The following NTN4 variants were observed in gnomAD, a reference collection of about 807,000 sequenced individuals.
NTN4 encodes netrin-4.
A neutral mutation model predicts 73.6 loss-of-function variants in NTN4; 32 were observed. That is an observed-to-expected ratio of 0.44 (90% confidence interval 0.33 to 0.58). The LOEUF (loss-of-function observed/expected upper bound fraction) is 0.58. Ranked by LOEUF, NTN4 falls within the 20% of genes least tolerant of loss-of-function variation. The probability of loss-of-function intolerance (pLI) is 0.04; values close to 1 mark genes in which losing one functional copy is unlikely to be tolerated. For missense variants in NTN4, 654 were observed against 798.3 expected, an observed-to-expected ratio of 0.82 and a Z score of 2.18; for synonymous variants, 258 against 287.5, an observed-to-expected ratio of 0.90 and a Z score of 1.04.
At chr12:95,777,496 G>A (rs971538067) in intron 2 of NTN4, among the ~76,000 whole-genome samples, 6 of 152,108 alleles carry the variant, frequency 3.9e-5, no homozygotes, top group African/African-American at 9.7e-5. Flanking sequence ...ACAAAAAAAG[G>A]CAGGGGTTGC....
At chr12:95,777,251 A>T (rs1413603160) in intron 2 of NTN4, among the ~76,000 whole-genome samples, 1 of 152,178 alleles carries the variant, frequency 6.6e-6, no homozygotes, top group Non-Finnish European at 1.5e-5. Context: ...AAACTGCATC[A>T]ACTAAACAGC....
intron 2 of NTN4, among the ~76,000 whole-genome samples, chr12:95,748,440 G>C (rs1370505908): frequency 6.7e-6 from 1 of 148,680 alleles, no homozygotes; most frequent in African/African-American, 2.5e-5. Flanking sequence ...CTAATAAAAA[G>C]ACAAATCACC....
rs1308323223 is a variant in NTN4, at chr12:95,787,273, T to C, written c.251A>G (p.Tyr84Cys). 4.3e-6 allele frequency: 7 copies of C among 1,614,100 alleles called. No individual in the cohort carries two copies. Among genetic ancestry groups the C allele is most frequent in the Non-Finnish European group, 5.9e-6 (7 of 1,180,042 alleles). The change falls in exon 2 of 10, where the codon TAT (tyrosine) becomes TGT (cysteine). Residue 84 changes from tyrosine (Y) to cysteine (C), a missense_variant. By Grantham distance (194) the Tyr-to-Cys change is radical (BLOSUM62 -2). Coordinates refer to ENST00000343702, the MANE Select transcript of NTN4 (RefSeq NM_021229.4). The stretch of plus-strand genomic sequence containing the variant: ...AGATGGCAGGTGAGCCAGGTGAGGA[T>C]AGGCAGCATTGCACTTGTCACATTT... ...QPKCDKCNAA[Y>C]PHLAHLPSAM...
intron 8 of NTN4, among the ~76,000 whole-genome samples, chr12:95,667,129 G>A (rs565182769): frequency 7.2e-5 from 11 of 152,054 alleles, no homozygotes; most frequent in South Asian, 2.1e-4. Flanking sequence ...ATTTGGGGTC[G>A]GAAAGAAAGT....
Position 95,713,550 on chromosome 12 carries a change from G to A in NTN4, c.865-212C>T, listed in dbSNP as rs1007873273. Among the ~76,000 whole-genome samples, 4 of 152,092 alleles carry A rather than the reference G, an allele frequency of 2.6e-5. No individual in the cohort carries two copies. In the South Asian group the frequency reaches 6.2e-4, roughly 24 times the overall value. Reference sequence around the variant, plus strand: ...AAAAGATTAAGTAATATAGTTTCTTGGCTGAAGGGTATATGACCCTATAGA... The same window carrying A: ...AAAAGATTAAGTAATATAGTTTCTTAGCTGAAGGGTATATGACCCTATAGA... On this transcript the variant is annotated intron_variant, in intron 3 of 9. Transcript: ENST00000343702.
At chr12:95,738,171 G>C in intron 2 of NTN4, 27 bp from the exon 3 acceptor site, 11 of 1,592,014 alleles carry the variant, frequency 6.9e-6, no homozygotes, top group African/African-American at 2.7e-5. Context: ...AATACCATGC[G>C]TTTATAGGAC....
At chr12:95,681,227 A>C (rs1426090782) in intron 7 of NTN4, among the ~76,000 whole-genome samples, 1 of 149,540 alleles carries the variant, frequency 6.7e-6, no homozygotes, top group Non-Finnish European at 1.5e-5. Flanking sequence ...TATCATGTGC[A>C]TGGAATTCTG....
intron 5 of NTN4, among the ~76,000 whole-genome samples, chr12:95,708,062 T>G (rs2121075406): frequency 6.6e-6 from 1 of 152,240 alleles, no homozygotes; most frequent in South Asian, 2.1e-4. Context: ...GAGACCATTT[T>G]GTTAGCACAT....
chr12:95,709,019 G>A (rs928965996), intron 5 of NTN4, among the ~76,000 whole-genome samples: 3 of 152,180 alleles, frequency 2.0e-5, no homozygotes, highest in Admixed American at 6.5e-5. Flanking sequence ...GGGGCTTGGT[G>A]TGGAAAGTGA....
intron 5 of NTN4, among the ~76,000 whole-genome samples, chr12:95,707,422 C>T (rs2078528780): frequency 6.6e-6 from 1 of 152,100 alleles, no homozygotes; most frequent in Non-Finnish European, 1.5e-5. Context: ...TGGTGAACTT[C>T]TTCACTGTCT....
chr12:95,787,224 C>A lies in NTN4; in HGVS notation c.300G>T (p.Arg100=). The A allele has an allele frequency of 6.2e-7, 1 of 1,614,184 alleles. No individual in the cohort carries two copies. Among genetic ancestry groups the A allele is most frequent in the East Asian group, 2.2e-5 (1 of 44,884 alleles). Residue 100 remains arginine (R), a synonymous_variant, in exon 2 of 10, where the codon CGG becomes CGT. Coordinates refer to ENST00000343702, the MANE Select transcript of NTN4 (RefSeq NM_021229.4). ...CAGACTGCCACCATGTGCGAGGAAACCGGAAGGATGAGTCTGCCATGGCAG... is the reference window on the plus strand; with the variant it reads ...CAGACTGCCACCATGTGCGAGGAAAACGGAAGGATGAGTCTGCCATGGCAG... ...LPSAMADSSF[R]FPRTWWQSAE...
chr12:95,750,206 A>G (rs1432329621), intron 2 of NTN4, among the ~76,000 whole-genome samples: 3 of 84,734 alleles, frequency 3.5e-5, no homozygotes, highest in African/African-American at 1.4e-4. Flanking sequence ...TCTGTGCCCC[A>G]TCCCTTATTT....
rs185244162 is a variant in NTN4 at position 95,754,375 on chromosome 12, A to G, written c.586-16231T>C. On this transcript the variant is annotated intron_variant, in intron 2 of 9. Coordinates refer to ENST00000343702, the MANE Select transcript of NTN4 (RefSeq NM_021229.4). Reference sequence around the variant, plus strand: ...GAGAAACATCGTCCATTCTCTCTCCATACCACCCCCAAAAATTTTCGCCGC... The same window carrying G: ...GAGAAACATCGTCCATTCTCTCTCCGTACCACCCCCAAAAATTTTCGCCGC... 5.3e-4 allele frequency among the ~76,000 whole-genome samples: 80 copies of G among 152,054 alleles called. No homozygotes were observed. The Middle Eastern group carries it at 0.014, about 26-fold the overall frequency.
chr12:95,768,185 T>C (rs575745916), intron 2 of NTN4, among the ~76,000 whole-genome samples: 1 of 152,244 alleles, frequency 6.6e-6, no homozygotes, highest in East Asian at 1.9e-4. Flanking sequence ...TGGGCTACTT[T>C]AGGGAGCTTG....
At chr12:95,778,479 T>A (rs2079109902) in intron 2 of NTN4, among the ~76,000 whole-genome samples, 2 of 151,996 alleles carry the variant, frequency 1.3e-5, no homozygotes, top group African/African-American at 4.8e-5. Context: ...ATAAAGGGGA[T>A]ATCACCACCG....
At chr12:95,766,922 G>C (rs2079024883) in intron 2 of NTN4, among the ~76,000 whole-genome samples, 1 of 152,186 alleles carries the variant, frequency 6.6e-6, no homozygotes, top group Non-Finnish European at 1.5e-5. Context: ...CTCTGGTGTA[G>C]TACAGCTGAT....
At chr12:95,713,369 C>G in intron 3 of NTN4, 31 bp from the exon 4 acceptor site, 1 of 1,538,476 alleles carries the variant, frequency 6.5e-7, no homozygotes, top group Non-Finnish European at 8.8e-7. Flanking sequence ...GAACTATGAG[C>G]ACACATGTCG....
intron 3 of NTN4, among the ~76,000 whole-genome samples, chr12:95,726,883 T>C (rs2078698758): frequency 6.6e-6 from 1 of 151,848 alleles, no homozygotes; most frequent in South Asian, 2.1e-4. Context: ...GGCAGGAGAA[T>C]GGCGTGAACC....
intron 5 of NTN4, among the ~76,000 whole-genome samples, chr12:95,684,287 G>A (rs1484480344): frequency 6.6e-6 from 1 of 152,018 alleles, no homozygotes; most frequent in African/African-American, 2.4e-5. Context: ...TGAACAGATA[G>A]CTCTTTTGAG....
Sources: gnomAD v4.1 joint callset for allele counts (sites outside exome capture counted in the v4.1 genomes callset) on GRCh38, gnomAD v4.1.1 for gene constraint, MANE v1.5 for transcripts, NCBI Gene and HGNC (gene_info 2026-07-23, HGNC 2026-07-21) for gene names.